Variants in AP3B1 observed in about 807,000 individuals in gnomAD.
AP3B1 encodes adaptor related protein complex 3 subunit beta 1.
AP3B1 carries 61 observed loss-of-function variants against 132.5 expected under a neutral mutation model. The observed-to-expected ratio is 0.46, with a 90% CI of 0.37 to 0.57. The LOEUF (loss-of-function observed/expected upper bound fraction) is 0.57, where lower values mean the gene tolerates loss of function less well. Among genes scored for constraint, AP3B1 ranks in the 20% least tolerant of loss-of-function variants. The pLI is 0.00. For missense variants in AP3B1, 1,120 were observed against 1,289.4 expected (o/e 0.87, Z 2.01); for synonymous variants, 388 against 438.3 (o/e 0.89, Z 1.43).
At chr5:78,176,172 G>A (rs1744140486) in intron 9 of AP3B1, among the ~76,000 whole-genome samples, 1 of 151,384 alleles carries the variant, frequency 6.6e-6, no homozygotes, top group African/African-American at 2.5e-5. Context: ...GGACCACACT[G>A]TTATTATAAA....
chr5:78,207,747 C>T (rs1287403127), intron 7 of AP3B1, among the ~76,000 whole-genome samples: 1 of 151,948 alleles, frequency 6.6e-6, no homozygotes, highest in Non-Finnish European at 1.5e-5. Context: ...GGAGAAAAAT[C>T]TTTGGCTATC....
intron 5 of AP3B1, among the ~76,000 whole-genome samples, chr5:78,226,195 T>A (rs1312352372): frequency 1.3e-5 from 2 of 152,136 alleles, no homozygotes; most frequent in East Asian, 3.9e-4. Context: ...TGGTGCCCAA[T>A]GATAGAAGGA....
At chr5:78,151,436 A>G (rs756429133) in intron 14 of AP3B1, among the ~76,000 whole-genome samples, 4 of 152,194 alleles carry the variant, frequency 2.6e-5, no homozygotes, top group Non-Finnish European at 5.9e-5. Flanking sequence ...GTTATGTTTC[A>G]GAGCTTGGAT....
At chr5:78,202,812 C>T (rs2112454283) in intron 7 of AP3B1, among the ~76,000 whole-genome samples, 1 of 152,072 alleles carries the variant, frequency 6.6e-6, no homozygotes, top group African/African-American at 2.4e-5. Flanking sequence ...AATTTTATGT[C>T]AACAAAAGGA....
chr5:78,126,504 C>CAAAAAAAA (rs70997969), intron 17 of AP3B1, among the ~76,000 whole-genome samples: 25 of 62,386 alleles, frequency 4.0e-4, no homozygotes, highest in African/African-American at 1.9e-3. Context: ...GACTCTGTCT[C>CAAAAAAAA]AAAAAAAAAA....
intron 2 of AP3B1, among the ~76,000 whole-genome samples, chr5:78,250,039 T>C (rs1330576767): frequency 6.6e-6 from 1 of 152,190 alleles, no homozygotes; most frequent in East Asian, 1.9e-4. Flanking sequence ...ATGGTTCACA[T>C]AAGATAACAT....
At chr5:78,269,027 C>T (rs1324807710) in intron 1 of AP3B1, among the ~76,000 whole-genome samples, 3 of 152,202 alleles carry the variant, frequency 2.0e-5, no homozygotes, top group Non-Finnish European at 4.4e-5. Flanking sequence ...CTACTTTACC[C>T]TCAAAATACA....
At chr5:78,008,311 G>A (rs534452767) in intron 26 of AP3B1, among the ~76,000 whole-genome samples, 3 of 152,238 alleles carry the variant, frequency 2.0e-5, no homozygotes, top group Admixed American at 6.5e-5. Context: ...TCATTTTTAC[G>A]TGAAACAGTT....
chr5:78,051,255 G>A (rs1004456840), intron 22 of AP3B1, among the ~76,000 whole-genome samples: 2 of 152,076 alleles, frequency 1.3e-5, no homozygotes, highest in African/African-American at 4.8e-5. Context: ...TTTTAGAGAG[G>A]AGAAAAGCTT....
intron 22 of AP3B1, among the ~76,000 whole-genome samples, chr5:78,058,432 G>A (rs252776): frequency 0.25 from 37,669 of 151,720 alleles, 5,172 homozygotes; most frequent in Admixed American, 0.39. Flanking sequence ...CCCGGGAGGC[G>A]GAGGTTGCAG....
intron 21 of AP3B1, among the ~76,000 whole-genome samples, chr5:78,098,815 TG>T (rs1751009284): frequency 6.6e-6 from 1 of 152,216 alleles, no homozygotes; most frequent in Non-Finnish European, 1.5e-5. Flanking sequence ...CCTGTCCTCA[TG>T]GAACTTACAT....
intron 22 of AP3B1, among the ~76,000 whole-genome samples, chr5:78,045,712 G>T (rs1748301694): frequency 6.6e-6 from 1 of 152,084 alleles, no homozygotes. Flanking sequence ...ATTGCAAATG[G>T]CGTTCTTGAC....
chr5:78,016,297 G>A (rs534406884), intron 25 of AP3B1, among the ~76,000 whole-genome samples: 3 of 152,110 alleles, frequency 2.0e-5, no homozygotes, highest in Non-Finnish European at 4.4e-5. Flanking sequence ...ACCATACAGA[G>A]TTAATGCAAG....
At chr5:78,210,957 T>A (rs1745709933) in intron 7 of AP3B1, among the ~76,000 whole-genome samples, 1 of 152,118 alleles carries the variant, frequency 6.6e-6, no homozygotes, top group Non-Finnish European at 1.5e-5. Context: ...CAATTTTATA[T>A]CCTTGAAAAT....
intron 7 of AP3B1, among the ~76,000 whole-genome samples, chr5:78,185,226 T>A (rs1463171583): frequency 6.6e-6 from 1 of 152,174 alleles, no homozygotes; most frequent in African/African-American, 2.4e-5. Flanking sequence ...GGAAGCTCTT[T>A]AGACAGAAAG....
intron 24 of AP3B1, among the ~76,000 whole-genome samples, chr5:78,023,398 C>T (rs955817843): frequency 5.9e-5 from 9 of 151,542 alleles, no homozygotes; most frequent in African/African-American, 2.2e-4. Context: ...ACTATGATCA[C>T]GCTACTGCAC....
chr5:78,256,234 C>G (rs1230196010), intron 2 of AP3B1, among the ~76,000 whole-genome samples: 1 of 151,340 alleles, frequency 6.6e-6, no homozygotes, highest in Non-Finnish European at 1.5e-5. Context: ...AAACAAAAAG[C>G]TTTTTTTGAA....
At chr5:78,068,548 G>A (rs1377405515) in intron 22 of AP3B1, among the ~76,000 whole-genome samples, 2 of 151,916 alleles carry the variant, frequency 1.3e-5, no homozygotes, top group African/African-American at 4.8e-5. Flanking sequence ...TACCAAGACT[G>A]AACCAGGAAG....
intron 26 of AP3B1, among the ~76,000 whole-genome samples, chr5:78,006,710 C>T (rs1437640427): frequency 6.6e-6 from 1 of 152,168 alleles, no homozygotes; most frequent in Non-Finnish European, 1.5e-5. Context: ...CTGTGTATGA[C>T]GGGCTCCATG....
Sources: allele counts gnomAD v4.1 joint callset (sites outside exome capture counted in the v4.1 genomes callset), GRCh38; gene constraint gnomAD v4.1.1; transcripts MANE v1.5; gene names NCBI Gene and HGNC (gene_info 2026-07-23, HGNC 2026-07-21).